ERBB4: variants seen among roughly 807,000 people sequenced by gnomAD.
ERBB4 encodes the protein receptor tyrosine-protein kinase erbB-4.
ERBB4 carries 42 observed loss-of-function variants against 158.0 expected under a neutral mutation model. The ratio of observed to expected loss-of-function variants is 0.27; its 90% CI spans 0.21 to 0.34. The LOEUF (loss-of-function observed/expected upper bound fraction) is 0.34, where lower values mean the gene tolerates loss of function less well. ERBB4 is among the 10% of genes least tolerant of loss of function. The probability of loss-of-function intolerance (pLI) is 1.00; values close to 1 mark genes in which losing one functional copy is unlikely to be tolerated. For missense variants in ERBB4, 1,333 were observed against 1,624.1 expected, an observed-to-expected ratio of 0.82 and a Z score of 3.08; for synonymous variants, 583 against 558.7, an observed-to-expected ratio of 1.04 and a Z score of -0.61.
At chr2:211,939,967 A>G (rs1005868955) in intron 3 of ERBB4, among the ~76,000 whole-genome samples, 52 of 117,614 alleles carry the variant, frequency 4.4e-4, no homozygotes, top group African/African-American at 1.4e-3. Context: ...GAAAAAAAAA[A>G]TATATATATA....
At chr2:212,306,331 G>A (rs1210419584) in intron 1 of ERBB4, among the ~76,000 whole-genome samples, 3 of 151,276 alleles carry the variant, frequency 2.0e-5, no homozygotes, top group Non-Finnish European at 3.0e-5. Flanking sequence ...CTCTATAAAC[G>A]AAAGCCTCTC....
intron 2 of ERBB4, among the ~76,000 whole-genome samples, chr2:212,115,415 G>A (rs909311958): frequency 1.4e-4 from 22 of 151,948 alleles, no homozygotes; most frequent in Non-Finnish European, 4.4e-5. Flanking sequence ...AGTATATTTT[G>A]AAATTTTGAA....
intron 1 of ERBB4, among the ~76,000 whole-genome samples, chr2:212,455,457 T>C (rs1688242705): frequency 6.6e-6 from 1 of 152,138 alleles, no homozygotes; most frequent in African/African-American, 2.4e-5. Flanking sequence ...TTGTCCAATA[T>C]GGTAGCCACT....
chr2:211,959,316 A>G (rs1041028820), intron 2 of ERBB4, among the ~76,000 whole-genome samples: 1 of 152,084 alleles, frequency 6.6e-6, no homozygotes. Flanking sequence ...CAAGATTGCC[A>G]CTAAGAAAAT....
chr2:212,103,027 T>A (rs990408615), intron 2 of ERBB4, among the ~76,000 whole-genome samples: 1 of 152,128 alleles, frequency 6.6e-6, no homozygotes, highest in Non-Finnish European at 1.5e-5. Flanking sequence ...GTTATATCTG[T>A]CTCTGTCCAT....
intron 1 of ERBB4, among the ~76,000 whole-genome samples, chr2:212,492,225 C>A (rs980630219): frequency 1.3e-5 from 2 of 151,098 alleles, no homozygotes; most frequent in African/African-American, 4.8e-5. Flanking sequence ...TATATCTTCA[C>A]CAAAATGTGA....
intron 1 of ERBB4, among the ~76,000 whole-genome samples, chr2:212,382,257 ATATT>A (rs1379887619): frequency 1.3e-5 from 2 of 149,882 alleles, no homozygotes; most frequent in Admixed American, 1.3e-4. Context: ...TATTTACTAT[ATATT>A]TATACTATAC....
intron 12 of ERBB4, among the ~76,000 whole-genome samples, chr2:211,683,342 C>T (rs1574979567): frequency 6.6e-6 from 1 of 152,130 alleles, no homozygotes; most frequent in Non-Finnish European, 1.5e-5. Flanking sequence ...TCCCTTTAAA[C>T]TTACCCATTA....
chr2:212,522,719 ACCCAATAATAG>A (rs1269333020), intron 1 of ERBB4, among the ~76,000 whole-genome samples: 1 of 152,046 alleles, frequency 6.6e-6, no homozygotes, highest in Non-Finnish European at 1.5e-5. Context: ...TCTAATATAC[ACCCAATAATAG>A]CCAAATTGAT....
intron 4 of ERBB4, among the ~76,000 whole-genome samples, chr2:211,756,065 T>C (rs1354846804): frequency 6.6e-6 from 1 of 152,158 alleles, no homozygotes; most frequent in Non-Finnish European, 1.5e-5. Flanking sequence ...AGAACATTGA[T>C]TGAAAGTCTA....
chr2:212,463,413 T>G (rs1688671343), intron 1 of ERBB4, among the ~76,000 whole-genome samples: 1 of 152,106 alleles, frequency 6.6e-6, no homozygotes, highest in Non-Finnish European at 1.5e-5. Flanking sequence ...AACACATATA[T>G]GTATATATGC....
At chr2:212,398,575 T>C (rs57484287) in intron 1 of ERBB4, among the ~76,000 whole-genome samples, 3,645 of 152,280 alleles carry the variant, frequency 0.024, 140 homozygotes, top group African/African-American at 0.082. Flanking sequence ...AGATGTTGAC[T>C]TAAAGATGGA....
At chr2:211,570,112 T>G (rs1197294798) in intron 19 of ERBB4, among the ~76,000 whole-genome samples, 2 of 152,038 alleles carry the variant, frequency 1.3e-5, no homozygotes, top group African/African-American at 2.4e-5. Flanking sequence ...AAATTACTCT[T>G]TTAGTTGTTT....
At chr2:211,623,099 C>T (rs1260808547) in intron 18 of ERBB4, among the ~76,000 whole-genome samples, 2 of 126,698 alleles carry the variant, frequency 1.6e-5, no homozygotes, top group African/African-American at 5.9e-5. Flanking sequence ...AAGAATAATT[C>T]AGCATTTGCC....
chr2:212,389,844 C>T (rs1253091789), intron 1 of ERBB4, among the ~76,000 whole-genome samples: 1 of 151,590 alleles, frequency 6.6e-6, no homozygotes. Flanking sequence ...AATAATTTTA[C>T]ATAAGACAGG....
At chr2:211,629,867 C>T (rs1275021713) in intron 17 of ERBB4, among the ~76,000 whole-genome samples, 1 of 152,076 alleles carries the variant, frequency 6.6e-6, no homozygotes, top group Non-Finnish European at 1.5e-5. Context: ...AAACTGGATG[C>T]CTTCCTTACA....
At chr2:211,740,678 T>C (rs1005023644) in intron 5 of ERBB4, among the ~76,000 whole-genome samples, 1 of 146,998 alleles carries the variant, frequency 6.8e-6, no homozygotes, top group African/African-American at 2.5e-5. Flanking sequence ...CGGCGTGATC[T>C]TGGCTCACTG....
intron 1 of ERBB4, among the ~76,000 whole-genome samples, chr2:212,348,245 CCAAGAGGAT>C (rs1361743803): frequency 6.6e-6 from 1 of 152,102 alleles, no homozygotes; most frequent in Non-Finnish European, 1.5e-5. Flanking sequence ...GAAACATCCT[CCAAGAGGAT>C]CACCTATTTT....
chr2:211,571,773 A>G (rs16846496), intron 19 of ERBB4, among the ~76,000 whole-genome samples: 2,420 of 152,266 alleles, frequency 0.016, 62 homozygotes, highest in African/African-American at 0.045. Context: ...GAATAAATGA[A>G]CAAAATCTGT....
Sources: allele counts gnomAD v4.1 joint callset (sites outside exome capture counted in the v4.1 genomes callset), GRCh38; gene constraint gnomAD v4.1.1; transcripts MANE v1.5; gene names NCBI Gene and HGNC (gene_info 2026-07-23, HGNC 2026-07-21).